The following CIT variants were observed in gnomAD, a reference collection of about 807,000 sequenced individuals.
CIT encodes the protein citron Rho-interacting kinase.
Under a neutral mutation model 272.7 loss-of-function variants are expected in CIT, and 79 were observed. That is an observed-to-expected ratio of 0.29 (90% confidence interval 0.24 to 0.35). The LOEUF (loss-of-function observed/expected upper bound fraction) is 0.35, where lower values mean the gene tolerates loss of function less well. CIT is among the 10% of genes least tolerant of loss of function. The pLI is 1.00. For synonymous variants in CIT, 948 were observed against 995.6 expected (o/e 0.95, Z 0.90); for missense variants, 1,909 against 2,618.3 (o/e 0.73, Z 5.91).
At chr12:119,823,314 G>T (rs1442516802) in intron 8 of CIT, among the ~76,000 whole-genome samples, 1 of 152,120 alleles carries the variant, frequency 6.6e-6, no homozygotes, top group Non-Finnish European at 1.5e-5. Context: ...TGTTCTTGCT[G>T]CTTTCCTTGG....
chr12:119,711,547 T>G (rs1957159745), intron 37 of CIT, among the ~76,000 whole-genome samples: 1 of 152,114 alleles, frequency 6.6e-6, no homozygotes, highest in Non-Finnish European at 1.5e-5. Context: ...ACAAACTCAT[T>G]TGAGTAAACA....
At chr12:119,807,467 G>A (rs1235935502) in intron 9 of CIT, among the ~76,000 whole-genome samples, 1 of 150,662 alleles carries the variant, frequency 6.6e-6, no homozygotes, top group East Asian at 1.9e-4. Context: ...TACAAAATGT[G>A]ATTTTTTTTT....
At chr12:119,863,126 C>T (rs1247837066) in intron 3 of CIT, among the ~76,000 whole-genome samples, 2 of 143,904 alleles carry the variant, frequency 1.4e-5, no homozygotes, top group Admixed American at 7.1e-5. Flanking sequence ...CACTTGAACC[C>T]GGGAGGCAGA....
intron 22 of CIT, among the ~76,000 whole-genome samples, chr12:119,755,899 G>A (rs932247221): frequency 7.9e-5 from 12 of 152,006 alleles, no homozygotes; most frequent in South Asian, 2.1e-4. Context: ...ATCTCCCACC[G>A]TCATTATGAG....
At chr12:119,810,017 G>C (rs1418974446) in intron 9 of CIT, among the ~76,000 whole-genome samples, 1 of 152,200 alleles carries the variant, frequency 6.6e-6, no homozygotes. Context: ...TTTATCCTTT[G>C]CAATGTCCTT....
In CIT at chr12:119,784,854, C is replaced by A; in HGVS notation, c.1401+106G>T. The A allele has an allele frequency of 6.6e-7, 1 of 1,504,482 alleles. No individual in the cohort carries two copies. The highest frequency in any genetic ancestry group is 1.4e-5 in the South Asian group (1 of 74,024). 93.2% of individuals were successfully genotyped at this position (1,504,482 alleles called of 1,614,324 possible). On this transcript the variant is annotated intron_variant, in intron 11 of 47. Coordinates refer to ENST00000392521, the MANE Select transcript of CIT (RefSeq NM_001206999.2). This position sits in a 1 kb window ranked among gnomAD's most constrained non-coding sequence, Gnocchi z 4.7. ...GAAGGCAGGAGCGCCTCACTCTCTA[C>A]GGATCAGGCGGCTCAGAGCCAGCAG...
chr12:119,866,434 T>A (rs956071199), intron 3 of CIT, among the ~76,000 whole-genome samples: 1 of 152,224 alleles, frequency 6.6e-6, no homozygotes, highest in Non-Finnish European at 1.5e-5. Flanking sequence ...AGAGACCATG[T>A]AGCTCAGAGG....
rs915783238 is a variant in CIT, at chr12:119,770,451, G to A, written c.2208+334C>T. ...TTAAATTGGCAATGCGAAGTTGACA[G>A]CTATCCAAAGCTCTGCTGATAGAAG... On this transcript the variant is annotated intron_variant, in intron 18 of 47. Transcript: ENST00000392521. The surrounding 1 kb of genome is among the most constrained non-coding windows in gnomAD (Gnocchi z 4.4). 5.3e-5 allele frequency among the ~76,000 whole-genome samples: 8 copies of A among 151,190 alleles called. No homozygotes were observed. The highest frequency in any genetic ancestry group is 1.2e-4 in the Non-Finnish European group (8 of 67,954).
intron 19 of CIT, among the ~76,000 whole-genome samples, chr12:119,766,165 A>C (rs1962431650): frequency 6.6e-6 from 1 of 151,990 alleles, no homozygotes. Flanking sequence ...GCAGCCAATC[A>C]CCATGGCACA....
intron 19 of CIT, among the ~76,000 whole-genome samples, chr12:119,763,818 T>C (rs974592486): frequency 6.6e-6 from 1 of 152,230 alleles, no homozygotes; most frequent in South Asian, 2.1e-4. Context: ...CAAATCATCA[T>C]GAAAATGGGA....
intron 16 of CIT, among the ~76,000 whole-genome samples, chr12:119,773,644 G>C (rs1185118627): frequency 6.6e-6 from 1 of 152,168 alleles, no homozygotes; most frequent in Non-Finnish European, 1.5e-5. Flanking sequence ...TGTTGGTCAG[G>C]CTGGTCTCGA....
intron 27 of CIT, among the ~76,000 whole-genome samples, chr12:119,729,902 A>G (rs1284376746): frequency 2.0e-5 from 3 of 152,228 alleles, no homozygotes; most frequent in African/African-American, 7.2e-5. Context: ...GGTGATCTGT[A>G]ACGCTGAAGC....
rs762561423 is a variant in CIT at position 119,718,448 on chromosome 12, G to A, written c.4004-39C>T. ...AGGACAATGCCTTTTGGTTAGCTGG[G>A]TCGCCTAGAGGACCAAACTAAGCCG... On this transcript the variant is annotated intron_variant, in intron 31 of 47. Transcript: ENST00000392521. The surrounding 1 kb of genome is among the most constrained non-coding windows in gnomAD (Gnocchi z 4.8). The A allele has an allele frequency of 2.0e-4, 315 of 1,575,486 alleles. 1 individual carries two copies. Among genetic ancestry groups the A allele is most frequent in the Admixed American group, 6.2e-4 (35 of 56,788 alleles).
intron 7 of CIT, among the ~76,000 whole-genome samples, chr12:119,827,340 C>G (rs1968254223): frequency 2.0e-5 from 3 of 152,080 alleles, no homozygotes; most frequent in Admixed American, 2.0e-4. Context: ...GAAATCTGGG[C>G]TGATTCTGTT....
chr12:119,745,269 AAGAC>A (rs1316233299), intron 23 of CIT, among the ~76,000 whole-genome samples: 2 of 150,070 alleles, frequency 1.3e-5, no homozygotes, highest in Non-Finnish European at 3.0e-5. Context: ...AAAAATGAGA[AAGAC>A]AGATTTCTCA....
At position 119,710,961 on chromosome 12, in the gene CIT, AT is replaced by A. The variant is rs1187793482; in HGVS notation, c.4855-342del. 1.8e-6 allele frequency: 2 copies of A among 1,124,824 alleles called. No homozygotes were observed. The highest frequency in any genetic ancestry group is 4.6e-5 in the East Asian group (1 of 21,928). The allele number at this position is 1,124,824 out of a possible 1,614,324, so 69.7% of individuals were successfully genotyped here. A position where few individuals can be genotyped will look rare whatever the true frequency, so the allele number is the denominator to read the frequency against. On this transcript the variant is annotated intron_variant, in intron 37 of 47. Coordinates refer to ENST00000392521, the MANE Select transcript of CIT (RefSeq NM_001206999.2). This position sits in a 1 kb window ranked among gnomAD's most constrained non-coding sequence, Gnocchi z 5.6. ...CACCTGCGCAGGGTTAATAAGACAC[AT>A]GAAAGACTCCTTCCCCCATAAGGCT...
intron 10 of CIT, among the ~76,000 whole-genome samples, chr12:119,797,736 G>A (rs1965856483): frequency 1.3e-5 from 2 of 152,332 alleles, no homozygotes; most frequent in South Asian, 4.1e-4. Flanking sequence ...CACTTTTTAA[G>A]GGAAGATCCT....
chr12:119,705,936 A>G (rs1294764533), intron 40 of CIT, among the ~76,000 whole-genome samples: 1 of 151,676 alleles, frequency 6.6e-6, no homozygotes, highest in African/African-American at 2.4e-5. Flanking sequence ...CTAAAAATAC[A>G]AAAATTGGCC....
intron 47 of CIT, among the ~76,000 whole-genome samples, chr12:119,689,024 G>A (rs1955761733): frequency 1.7e-5 from 2 of 116,810 alleles, no homozygotes; most frequent in Non-Finnish European, 3.4e-5. Flanking sequence ...CGGGGGTGGG[G>A]GTGGGAATCA....
Sources: allele counts gnomAD v4.1 joint callset (sites outside exome capture counted in the v4.1 genomes callset), GRCh38; gene constraint gnomAD v4.1.1; non-coding constraint Gnocchi (gnomAD v3.1); transcripts MANE v1.5; gene names NCBI Gene and HGNC (gene_info 2026-07-23, HGNC 2026-07-21).